Variants in SHISA9 observed in about 807,000 individuals in gnomAD.
The protein encoded by SHISA9 is protein shisa-9.
Under a neutral mutation model 38.0 loss-of-function variants are expected in SHISA9, and 13 were observed. The observed-to-expected ratio is 0.34, with a 90% CI of 0.22 to 0.54. The LOEUF (loss-of-function observed/expected upper bound fraction) is 0.54. Among genes scored for constraint, SHISA9 ranks in the 20% least tolerant of loss-of-function variants. SHISA9 has a pLI of 0.91. For synonymous variants in SHISA9, 275 were observed against 242.0 expected (o/e 1.14, Z -1.27); for missense variants, 538 against 575.8 (o/e 0.93, Z 0.67).
At chr16:13,056,166 T>C (rs1364479316) in intron 2 of SHISA9, among the ~76,000 whole-genome samples, 2 of 152,168 alleles carry the variant, frequency 1.3e-5, no homozygotes, top group Non-Finnish European at 2.9e-5. Context: ...GCCATGCGCT[T>C]AAATGGGCTC....
At chr16:13,469,320 G>GAGAGAGAAAGAAAGAAAGAA in the SHISA9 span, among the ~76,000 whole-genome samples, 38 of 61,602 alleles carry the variant, frequency 6.2e-4, no homozygotes, top group Admixed American at 1.1e-3. Flanking sequence ...GAGAGAGAGA[G>GAGAGAGAAAGAAAGAAAGAA]AGAAAGAAAG....
chr16:13,299,354 G>A, the SHISA9 span, among the ~76,000 whole-genome samples: 3 of 152,184 alleles, frequency 2.0e-5, no homozygotes, highest in Non-Finnish European at 2.9e-5. Flanking sequence ...CCTTTTTACC[G>A]ATGAAGATTC....
intron 4 of SHISA9, among the ~76,000 whole-genome samples, chr16:13,226,859 A>G (rs926305620): frequency 2.6e-5 from 4 of 152,202 alleles, no homozygotes; most frequent in Admixed American, 2.0e-4. Context: ...ACATGGAGGC[A>G]GATTTCAAGA....
At chr16:13,479,518 T>C in the SHISA9 span, among the ~76,000 whole-genome samples, 1 of 152,190 alleles carries the variant, frequency 6.6e-6, no homozygotes. Context: ...AAATAATCTA[T>C]ATTCCACCAG....
chr16:13,517,631 A>T, the SHISA9 span, among the ~76,000 whole-genome samples: 192 of 152,232 alleles, frequency 1.3e-3, no homozygotes, highest in African/African-American at 4.4e-3. Context: ...CCTTCTCCTT[A>T]TATGTCCCGT....
At chr16:13,457,657 C>A in the SHISA9 span, among the ~76,000 whole-genome samples, 1 of 151,622 alleles carries the variant, frequency 6.6e-6, no homozygotes, top group Non-Finnish European at 1.5e-5. Context: ...AGCCATTTTA[C>A]CATCCGTAAG....
intron 2 of SHISA9, among the ~76,000 whole-genome samples, chr16:12,973,774 A>G (rs1362222149): frequency 2.0e-5 from 3 of 152,204 alleles, no homozygotes; most frequent in Non-Finnish European, 4.4e-5. Context: ...TGATTTGGGC[A>G]CAGTGGAAAG....
At chr16:13,088,604 G>C (rs2073739653) in intron 2 of SHISA9, among the ~76,000 whole-genome samples, 1 of 151,790 alleles carries the variant, frequency 6.6e-6, no homozygotes, top group African/African-American at 2.4e-5. Flanking sequence ...CTCATGATTT[G>C]GTTGTCTGTC....
intron 2 of SHISA9, among the ~76,000 whole-genome samples, chr16:12,920,717 A>C (rs576562372): frequency 1.3e-5 from 2 of 152,214 alleles, no homozygotes; most frequent in Non-Finnish European, 2.9e-5. Flanking sequence ...CCCAATATCA[A>C]CATTTGACAT....
the SHISA9 span, among the ~76,000 whole-genome samples, chr16:13,482,801 TAA>T: frequency 8.0e-5 from 9 of 112,564 alleles, no homozygotes; most frequent in Non-Finnish European, 5.4e-5. Flanking sequence ...ATCCTGTCAC[TAA>T]AAAAAAAAAA....
chr16:13,255,702 A>G, the SHISA9 span, among the ~76,000 whole-genome samples: 230 of 152,206 alleles, frequency 1.5e-3, 5 homozygotes, highest in East Asian at 0.04. Context: ...CTACCTCCCA[A>G]TCCTTACTAC....
chr16:13,431,472 C>T, the SHISA9 span, among the ~76,000 whole-genome samples: 1 of 152,214 alleles, frequency 6.6e-6, no homozygotes, highest in Non-Finnish European at 1.5e-5. Flanking sequence ...TTATTTTTAT[C>T]AAGGCCTTAT....
At chr16:13,028,220 A>G (rs11859282) in intron 2 of SHISA9, among the ~76,000 whole-genome samples, 3 of 152,144 alleles carry the variant, frequency 2.0e-5, no homozygotes, top group Non-Finnish European at 2.9e-5. Flanking sequence ...TTACACTTCA[A>G]TAAACGTTAT....
At chr16:13,510,311 A>AAAAC in the SHISA9 span, among the ~76,000 whole-genome samples, 1 of 152,202 alleles carries the variant, frequency 6.6e-6, no homozygotes, top group Admixed American at 6.6e-5. Flanking sequence ...TCTGGCTCAA[A>AAAAC]AAACAAACAA....
chr16:13,530,967 C>T, the SHISA9 span, among the ~76,000 whole-genome samples: 11 of 152,278 alleles, frequency 7.2e-5, no homozygotes, highest in Admixed American at 1.3e-4. Flanking sequence ...CACATGATGC[C>T]TGGGACTATT....
chr16:13,090,158 T>G (rs2073758636), intron 2 of SHISA9, among the ~76,000 whole-genome samples: 1 of 152,244 alleles, frequency 6.6e-6, no homozygotes, highest in Non-Finnish European at 1.5e-5. Context: ...TGCACTGTGG[T>G]CTGAGAGACA....
intron 4 of SHISA9, among the ~76,000 whole-genome samples, chr16:13,220,720 A>G (rs2051215491): frequency 6.6e-6 from 1 of 152,216 alleles, no homozygotes; most frequent in Admixed American, 6.5e-5. Context: ...CAGTGAGTGG[A>G]TGCAGTTCCA....
At chr16:13,134,395 G>A (rs1041337488) in intron 2 of SHISA9, among the ~76,000 whole-genome samples, 3 of 152,168 alleles carry the variant, frequency 2.0e-5, no homozygotes, top group Non-Finnish European at 4.4e-5. Flanking sequence ...GCCTGACAAT[G>A]TGCAAGGGAC....
At chr16:13,418,116 T>C in the SHISA9 span, among the ~76,000 whole-genome samples, 6 of 152,182 alleles carry the variant, frequency 3.9e-5, no homozygotes, top group Non-Finnish European at 8.8e-5. Context: ...GAAGCTAGAT[T>C]ATGTTTATCT....
Sources: gnomAD v4.1 joint callset for allele counts (sites outside exome capture counted in the v4.1 genomes callset) on GRCh38, gnomAD v4.1.1 for gene constraint, MANE v1.5 for transcripts, NCBI Gene and HGNC (gene_info 2026-07-23, HGNC 2026-07-21) for gene names.